HIBCH: variants seen among roughly 807,000 people sequenced by gnomAD.
The protein encoded by HIBCH is 3-hydroxyisobutyryl-CoA hydrolase, mitochondrial.
Under a neutral mutation model 58.2 loss-of-function variants are expected in HIBCH, and 50 were observed. That is an observed-to-expected ratio of 0.86 (90% confidence interval 0.68 to 1.09). HIBCH has a LOEUF of 1.09. HIBCH is among the 50% of genes least tolerant of loss of function. The probability of loss-of-function intolerance (pLI) is 0.00; values close to 1 mark genes in which losing one functional copy is unlikely to be tolerated. For missense variants in HIBCH, 450 were observed against 449.7 expected (o/e 1.00, Z -0.01); for synonymous variants, 151 against 146.9 (o/e 1.03, Z -0.20).
chr2:190,200,832 T>G (rs571002941), downstream of HIBCH: 2 of 167,248 alleles, frequency 1.2e-5, no homozygotes, highest in African/African-American at 4.8e-5. Context: ...TTGCATTGAA[T>G]TAAGCCCAGT....
chr2:190,195,888 G>A (rs1003877416), intron 1 of HIBCH, among the ~76,000 whole-genome samples: 5 of 146,530 alleles, frequency 3.4e-5, no homozygotes, highest in African/African-American at 1.3e-4. Flanking sequence ...TTATATTTAG[G>A]TCTATGATCC....
intron 1 of HIBCH, among the ~76,000 whole-genome samples, chr2:190,312,296 C>A (rs1413206871): frequency 7.9e-5 from 12 of 152,078 alleles, no homozygotes; most frequent in Non-Finnish European, 1.6e-4. Flanking sequence ...AAACCCACAA[C>A]GTAATGACAG....
At chr2:190,256,251 A>T (rs1686918887) in intron 7 of HIBCH, among the ~76,000 whole-genome samples, 1 of 152,082 alleles carries the variant, frequency 6.6e-6, no homozygotes, top group Non-Finnish European at 1.5e-5. Flanking sequence ...GAGACTAAGG[A>T]AAGAATCACA....
At chr2:190,294,834 G>A (rs1394788993) in intron 3 of HIBCH, among the ~76,000 whole-genome samples, 2 of 152,134 alleles carry the variant, frequency 1.3e-5, no homozygotes, top group Non-Finnish European at 2.9e-5. Flanking sequence ...CCCAGATAAA[G>A]TAGAGGCTAT....
intron 11 of HIBCH, among the ~76,000 whole-genome samples, chr2:190,221,561 G>A (rs981809092): frequency 2.6e-5 from 4 of 152,154 alleles, no homozygotes; most frequent in African/African-American, 4.8e-5. Flanking sequence ...CAGAAATTCC[G>A]GGAAGAGGGT....
At chr2:190,232,819 G>A (rs1289262923) in intron 11 of HIBCH, among the ~76,000 whole-genome samples, 1 of 152,050 alleles carries the variant, frequency 6.6e-6, no homozygotes, top group Non-Finnish European at 1.5e-5. Context: ...TTAGCCAGGT[G>A]TGGTGGCGGG....
chr2:190,272,845 G>A (rs1687439150), intron 6 of HIBCH, among the ~76,000 whole-genome samples: 1 of 152,048 alleles, frequency 6.6e-6, no homozygotes. Flanking sequence ...CTGGGCTAAA[G>A]GGTAGATGGA....
intron 8 of HIBCH, among the ~76,000 whole-genome samples, chr2:190,251,265 G>T (rs1288823356): frequency 6.6e-6 from 1 of 151,972 alleles, no homozygotes; most frequent in Non-Finnish European, 1.5e-5. Context: ...CTTCCCTTAA[G>T]ATCTGATCAG....
chr2:190,282,709 C>T (rs545784611), intron 6 of HIBCH, among the ~76,000 whole-genome samples: 1 of 151,898 alleles, frequency 6.6e-6, no homozygotes, highest in South Asian at 2.1e-4. Flanking sequence ...AACCCCACTA[C>T]TAAAAAAAAA....
At chr2:190,191,681 T>C (rs1167313453) in intron 1 of HIBCH, among the ~76,000 whole-genome samples, 1 of 152,224 alleles carries the variant, frequency 6.6e-6, no homozygotes, top group Non-Finnish European at 1.5e-5. Flanking sequence ...AGTGGTTTCT[T>C]ATCATGGCTG....
intron 6 of HIBCH, among the ~76,000 whole-genome samples, chr2:190,277,027 C>A (rs887071631): frequency 1.3e-5 from 2 of 152,032 alleles, no homozygotes; most frequent in Admixed American, 6.6e-5. Flanking sequence ...AACTTTTTGA[C>A]GTCCCCTCAT....
intron 8 of HIBCH, chr2:190,250,483 G>T: frequency 2.4e-6 from 1 of 409,806 alleles, no homozygotes. Context: ...ACAGCCCTGA[G>T]AATGTCTGTC....
At chr2:190,294,022 G>GTGTA (rs755751586) in intron 4 of HIBCH, among the ~76,000 whole-genome samples, 940 of 82,942 alleles carry the variant, frequency 0.011, 6 homozygotes, top group African/African-American at 0.03. Flanking sequence ...TATTTTGTGT[G>GTGTA]TATATATATA....
At chr2:190,259,073 TG>T (rs1403833394) in intron 7 of HIBCH, among the ~76,000 whole-genome samples, 4 of 152,220 alleles carry the variant, frequency 2.6e-5, no homozygotes, top group Non-Finnish European at 2.9e-5. Context: ...TTGTTCTTTT[TG>T]CTTAAGATTA....
In HIBCH at chr2:190,214,798, C is replaced by A. The variant is rs1349132267; in HGVS notation, c.892-1723G>T. On this transcript the variant is annotated intron_variant, in intron 11 of 13. Transcript: ENST00000359678. This position sits in a 1 kb window ranked among gnomAD's most constrained non-coding sequence, Gnocchi z 5.5. ...CCCAAACATCTCACAAGGTAGAGGA[C>A]AGGGAGATCGGGGGCAAGAGGAAGG... The A allele has an allele frequency of 6.6e-6, 1 of 152,220 alleles. No homozygotes were observed. The highest frequency in any genetic ancestry group is 6.6e-5 in the Admixed American group (1 of 15,258). The allele number at this position is 152,220 out of a possible 1,614,324, so 9.4% of individuals were successfully genotyped here. A position where few individuals can be genotyped will look rare whatever the true frequency, so the allele number is the denominator to read the frequency against.
chr2:190,233,378 T>C (rs987365255), intron 11 of HIBCH, among the ~76,000 whole-genome samples: 6 of 152,082 alleles, frequency 3.9e-5, no homozygotes, highest in African/African-American at 1.2e-4. Context: ...CAGTGAAAGG[T>C]AATTGAATCA....
chr2:190,308,250 T>C (rs971600011), intron 2 of HIBCH, among the ~76,000 whole-genome samples: 6 of 152,222 alleles, frequency 3.9e-5, no homozygotes, highest in Non-Finnish European at 5.9e-5. Flanking sequence ...TTTGTACTTA[T>C]GTCTGAGTCA....
chr2:190,282,718 A>G (rs573005354), intron 6 of HIBCH, among the ~76,000 whole-genome samples: 4 of 152,290 alleles, frequency 2.6e-5, no homozygotes, highest in Admixed American at 6.5e-5. Context: ...ACTAAAAAAA[A>G]AGAGACTGTT....
intron 6 of HIBCH, among the ~76,000 whole-genome samples, chr2:190,275,729 T>C (rs562502487): frequency 6.6e-6 from 1 of 152,370 alleles, no homozygotes; most frequent in Non-Finnish European, 1.5e-5. Flanking sequence ...ATGTTCAAGA[T>C]GCCCACAGTG....
Sources: allele counts gnomAD v4.1 joint callset (sites outside exome capture counted in the v4.1 genomes callset), GRCh38; gene constraint gnomAD v4.1.1; non-coding constraint Gnocchi (gnomAD v3.1); transcripts MANE v1.5; gene names NCBI Gene and HGNC (gene_info 2026-07-23, HGNC 2026-07-21).